The following CAPS2 variants were observed in gnomAD, a reference collection of about 807,000 sequenced individuals.
CAPS2 encodes calcyphosine 2, also known as calcyphosin-2.
Under a neutral mutation model 86.5 loss-of-function variants are expected in CAPS2, and 98 were observed. That is an observed-to-expected ratio of 1.13 (90% CI 0.96 to 1.34). CAPS2 has a LOEUF of 1.34. Among genes scored for constraint, CAPS2 ranks in the 40% most tolerant of loss-of-function variants. The pLI is 0.00. For synonymous variants in CAPS2, 210 were observed against 225.1 expected (o/e 0.93, Z 0.60); for missense variants, 729 against 686.8 (o/e 1.06, Z -0.69).
chr12:75,360,175 G>C (rs116540034), intron 1 of CAPS2: 1 of 151,956 alleles, frequency 6.6e-6, no homozygotes, highest in African/African-American at 2.4e-5. Flanking sequence ...ATTACAATTC[G>C]AGATAAGGTT....
In CAPS2 at chr12:75,315,399, G is replaced by C. The variant is rs1010996310; in HGVS notation, c.591+913C>G. ...CATTCTATTAAACATAAATATCCAA[G>C]TAATAATAGGCACCAAAAAAATAAT... On this transcript the variant is annotated intron_variant, in intron 6 of 16. Transcript: ENST00000393284. 2.6e-5 allele frequency among the ~76,000 whole-genome samples: 4 copies of C among 152,098 alleles called. No individual in the cohort carries two copies. The South Asian group carries it at 6.2e-4, about 24-fold the overall frequency.
At chr12:75,340,271 C>G (rs1156313527) in intron 1 of CAPS2, among the ~76,000 whole-genome samples, 1 of 151,586 alleles carries the variant, frequency 6.6e-6, no homozygotes, top group African/African-American at 2.4e-5. Flanking sequence ...CATGTGTGTG[C>G]TAGTGTCTTT....
chr12:75,359,305 C>T (rs1228632480), intron 1 of CAPS2, among the ~76,000 whole-genome samples: 2 of 144,454 alleles, frequency 1.4e-5, no homozygotes, highest in African/African-American at 2.6e-5. Flanking sequence ...GACACAATAG[C>T]GACATATATG....
intron 5 of CAPS2, among the ~76,000 whole-genome samples, chr12:75,318,470 C>G (rs1377876604): frequency 5.3e-5 from 8 of 152,106 alleles, no homozygotes. Flanking sequence ...TCCCAAACTC[C>G]CTTTAACTCT....
chr12:75,366,828 G>C lies in CAPS2; in HGVS notation c.-395+24010C>G, dbSNP rs1041422731. On this transcript the variant is annotated intron_variant, in intron 1 of 5. Transcript: ENST00000551829. ...CCTCTGAGAGGGCTAAAAATGCCAA[G>C]TGAACAGCTCTATATGCATTTCTTG... is the stretch of plus-strand genomic sequence containing the variant. 12 of 699,024 alleles carry C rather than the reference G, an allele frequency of 1.7e-5. No homozygotes were observed. In the African/African-American group the frequency reaches 1.8e-4, roughly 10 times the overall value. The allele number at this position is 699,024 out of a possible 1,614,324, so 43.3% of individuals were successfully genotyped here.
chr12:75,305,446 CG>C, intron 7 of CAPS2: 1 of 513,578 alleles, frequency 1.9e-6, no homozygotes. Context: ...GGGCACAGAC[CG>C]GTTGGAACAA....
At chr12:75,342,365 T>C (rs1459009444) in intron 1 of CAPS2, among the ~76,000 whole-genome samples, 1 of 152,180 alleles carries the variant, frequency 6.6e-6, no homozygotes, top group African/African-American at 2.4e-5. Context: ...CAAAAAACAT[T>C]ACCATTGGGA....
chr12:75,331,514 A>C (rs925591823), upstream of CAPS2, among the ~76,000 whole-genome samples: 5 of 152,238 alleles, frequency 3.3e-5, no homozygotes, highest in African/African-American at 1.2e-4. Flanking sequence ...AAAGAAAAGC[A>C]AAAATAAATA....
intron 1 of CAPS2, among the ~76,000 whole-genome samples, chr12:75,380,171 G>A (rs192283888): frequency 6.6e-5 from 10 of 152,146 alleles, no homozygotes; most frequent in East Asian, 3.9e-4. Flanking sequence ...CACTTCTGAC[G>A]GTTTTATATT....
At chr12:75,359,400 T>A (rs79569066) in intron 1 of CAPS2, among the ~76,000 whole-genome samples, 4,345 of 136,806 alleles carry the variant, frequency 0.032, 96 homozygotes, top group East Asian at 0.042. Flanking sequence ...TGAATTGATC[T>A]ATGAATTCAA....
intron 1 of CAPS2, among the ~76,000 whole-genome samples, chr12:75,361,343 G>A (rs1274857164): frequency 1.3e-5 from 2 of 152,172 alleles, no homozygotes; most frequent in Admixed American, 1.3e-4. Flanking sequence ...CACCAAACAA[G>A]AAAACAAGTT....
chr12:75,387,534 T>C (rs1055488685), intron 1 of CAPS2, among the ~76,000 whole-genome samples: 1 of 152,202 alleles, frequency 6.6e-6, no homozygotes, highest in African/African-American at 2.4e-5. Context: ...CTTACTGCCA[T>C]AGTCTGTTTA....
chr12:75,356,328 G>A (rs1036733277), intron 1 of CAPS2, among the ~76,000 whole-genome samples: 1 of 151,992 alleles, frequency 6.6e-6, no homozygotes, highest in Non-Finnish European at 1.5e-5. Flanking sequence ...GAGATGATAA[G>A]TTTGTGGATA....
In CAPS2 at chr12:75,293,382, A is replaced by T. The variant is rs373038764; in HGVS notation, c.1045-15T>A. 39 of 1,459,292 alleles carry T rather than the reference A, an allele frequency of 2.7e-5. No homozygotes were observed. Among genetic ancestry groups the T allele is most frequent in the Admixed American group, 1.9e-4 (11 of 56,954 alleles). 90.4% of individuals were successfully genotyped at this position (1,459,292 alleles called of 1,614,324 possible). A position where few individuals can be genotyped will look rare whatever the true frequency, so the allele number is the denominator to read the frequency against. ...AAGGTTGCACCCTAAACAAAAGAAC[A>T]GATGAATGAAGCTAGAAAGCATGTA... On this transcript the variant is annotated splice_polypyrimidine_tract_variant and intron_variant, in intron 11 of 16. Coordinates refer to ENST00000393284, the Ensembl canonical transcript of CAPS2.
At chr12:75,299,271 G>A (rs11180449) in intron 9 of CAPS2, among the ~76,000 whole-genome samples, 27,186 of 152,120 alleles carry the variant, frequency 0.18, 2,824 homozygotes, top group South Asian at 0.37. Flanking sequence ...AAGTGTTGAG[G>A]TTGCAAGAAG....
chr12:75,326,372 T>C, intron 1 of CAPS2, 46 bp downstream of exon 2: 1 of 727,038 alleles, frequency 1.4e-6, no homozygotes, highest in Non-Finnish European at 2.3e-6. Flanking sequence ...AAAAAAATTA[T>C]TTATAAGTCA....
chr12:75,312,017 CACA>C (rs1172223065), intron 7 of CAPS2, among the ~76,000 whole-genome samples: 1 of 152,194 alleles, frequency 6.6e-6, no homozygotes, highest in Admixed American at 6.5e-5. Flanking sequence ...CTTTCTGCCA[CACA>C]ACTAAACAGT....
intron 1 of CAPS2, chr12:75,343,635 G>T: frequency 2.3e-6 from 3 of 1,286,388 alleles, no homozygotes; most frequent in Non-Finnish European, 3.2e-6. Context: ...ACAATAATTA[G>T]AATAATTTAA....
At chr12:75,320,833 T>C (rs1358299073) in intron 5 of CAPS2, among the ~76,000 whole-genome samples, 1 of 151,988 alleles carries the variant, frequency 6.6e-6, no homozygotes. Context: ...TGTATGATTA[T>C]GAAAGCATTA....
Sources: allele counts gnomAD v4.1 joint callset (sites outside exome capture counted in the v4.1 genomes callset), GRCh38; gene constraint gnomAD v4.1.1; transcripts MANE v1.5; gene names NCBI Gene and HGNC (gene_info 2026-07-23, HGNC 2026-07-21).